The following RUFY4 variants were observed in gnomAD, a reference collection of about 807,000 sequenced individuals.
RUFY4 encodes the protein RUN and FYVE domain containing 4, also known as RUN and FYVE domain-containing protein 4.
A neutral mutation model predicts 69.0 loss-of-function variants in RUFY4; 73 were observed. That is an observed-to-expected ratio of 1.06 (90% CI 0.88 to 1.29). RUFY4 has a LOEUF of 1.29. Ranked by LOEUF, RUFY4 falls within the 50% of genes most tolerant of loss-of-function variation. The pLI is 0.00. For missense variants in RUFY4, 770 were observed against 705.6 expected (o/e 1.09, Z -1.03); for synonymous variants, 287 against 271.8 (o/e 1.06, Z -0.55).
chr2:218,075,728 G>A (rs371570571), exon 7 of RUFY4: 110 of 1,444,470 alleles, frequency 7.6e-5, no homozygotes, highest in Non-Finnish European at 9.7e-5. Flanking sequence ...TGTCCCTGCA[G>A]GACGAGATCA....
At chr2:218,080,935 C>G (rs1689747365) in intron 8 of RUFY4, among the ~76,000 whole-genome samples, 1 of 152,172 alleles carries the variant, frequency 6.6e-6, no homozygotes, top group Non-Finnish European at 1.5e-5. Context: ...AGTGTCACCC[C>G]CTCTCTGAGG....
chr2:218,036,415 A>G (rs1019888775), intron 2 of RUFY4, among the ~76,000 whole-genome samples: 2 of 151,906 alleles, frequency 1.3e-5, no homozygotes, highest in African/African-American at 4.9e-5. Flanking sequence ...CACATTATCT[A>G]GCATCCTACG....
At chr2:218,063,288 G>A (rs1257276664) in intron 3 of RUFY4, among the ~76,000 whole-genome samples, 2 of 152,146 alleles carry the variant, frequency 1.3e-5, no homozygotes, top group African/African-American at 4.8e-5. Context: ...ATGGAACCCA[G>A]TGACAGAGAA....
intron 2 of RUFY4, among the ~76,000 whole-genome samples, chr2:218,054,330 A>G (rs1689011531): frequency 6.6e-6 from 1 of 152,110 alleles, no homozygotes; most frequent in South Asian, 2.1e-4. Context: ...CGAGGCGGGA[A>G]GATCACTTGA....
intron 2 of RUFY4, among the ~76,000 whole-genome samples, chr2:218,043,109 A>T (rs920477967): frequency 6.6e-6 from 1 of 151,404 alleles, no homozygotes; most frequent in Non-Finnish European, 1.5e-5. Context: ...CTCGGAGGAG[A>T]CCTGCAGTAG....
rs3181378 is a variant in RUFY4 at position 218,062,855 on chromosome 2, A to G, written c.-1071+4174A>G. On this transcript the variant is annotated intron_variant and NMD_transcript_variant, in intron 3 of 13. Coordinates refer to the RUFY4 transcript ENST00000457754. ...ATGTGCTGCCATGCAGGATGAGCAGACACAGCCAGCCTGCACCCCAATAAG... is the reference window on the plus strand; with the variant it reads ...ATGTGCTGCCATGCAGGATGAGCAGGCACAGCCAGCCTGCACCCCAATAAG... Among the ~76,000 whole-genome samples the G allele has an allele frequency of 2.9e-3, 447 of 152,360 alleles. 7 individuals carry two copies. The South Asian group carries it at 0.045, about 15-fold the overall frequency.
intron 6 of RUFY4, among the ~76,000 whole-genome samples, chr2:218,074,891 C>T (rs1689586237): frequency 6.6e-6 from 1 of 152,114 alleles, no homozygotes; most frequent in South Asian, 2.1e-4. Context: ...ATGTCCCTCA[C>T]CAGACCAAAG....
intron 8 of RUFY4, among the ~76,000 whole-genome samples, chr2:218,078,916 G>A (rs1049872530): frequency 1.3e-5 from 2 of 152,186 alleles, no homozygotes; most frequent in African/African-American, 2.4e-5. Context: ...TGCCCAGGCT[G>A]GAGTGCAGTG....
intron 2 of RUFY4, among the ~76,000 whole-genome samples, chr2:218,057,790 G>A (rs1170607718): frequency 1.3e-5 from 2 of 152,226 alleles, no homozygotes; most frequent in African/African-American, 4.8e-5. Context: ...CATATAATAT[G>A]TGGTTCTGTT....
chr2:218,063,709 T>C (rs1213526317), intron 3 of RUFY4, among the ~76,000 whole-genome samples: 2 of 152,096 alleles, frequency 1.3e-5, no homozygotes, highest in Non-Finnish European at 2.9e-5. Flanking sequence ...GTCATGGGTG[T>C]GAGCGAGGGG....
At chr2:218,074,871 G>T (rs1033596247) in intron 6 of RUFY4, among the ~76,000 whole-genome samples, 6 of 152,160 alleles carry the variant, frequency 3.9e-5, no homozygotes, top group African/African-American at 1.4e-4. Flanking sequence ...AGGGACAGAA[G>T]GACATCAGGA....
At chr2:218,070,848 C>T (rs1689469121) in exon 2 of RUFY4, 2 of 1,535,642 alleles carry the variant, frequency 1.3e-6, no homozygotes, top group South Asian at 2.4e-5. Flanking sequence ...CTGCCTGGAG[C>T]TGCTGCTGCA....
chr2:218,067,060 G>A (rs79388667), upstream of RUFY4, among the ~76,000 whole-genome samples: 2,752 of 152,294 alleles, frequency 0.018, 83 homozygotes, highest in African/African-American at 0.063. Flanking sequence ...GTCAGTCACC[G>A]TCTCTGTGAG....
At chr2:218,084,271 C>A (rs1426720245) in intron 9 of RUFY4, among the ~76,000 whole-genome samples, 4 of 151,724 alleles carry the variant, frequency 2.6e-5, no homozygotes, top group Non-Finnish European at 5.9e-5. Flanking sequence ...TCGCTCTGTC[C>A]CCCAGGCTGG....
At chr2:218,044,721 G>A (rs1024606704) in intron 2 of RUFY4, among the ~76,000 whole-genome samples, 2 of 152,170 alleles carry the variant, frequency 1.3e-5, no homozygotes, top group Non-Finnish European at 2.9e-5. Flanking sequence ...GCATTAGTTT[G>A]CTAAGGATAA....
chr2:218,057,097 G>A, intron 2 of RUFY4, among the ~76,000 whole-genome samples: 5 of 149,270 alleles, frequency 3.3e-5, no homozygotes, highest in African/African-American at 1.0e-4. Context: ...AAAAAAAAGA[G>A]AGAGAGAAGA....
chr2:218,073,437 G>A (rs1689544966), intron 5 of RUFY4, 51 bp downstream of exon 7: 2 of 1,558,860 alleles, frequency 1.3e-6, no homozygotes. Context: ...TGGTCCCATG[G>A]CCACCAAGGG....
intron 2 of RUFY4, among the ~76,000 whole-genome samples, chr2:218,041,171 A>C (rs1688689523): frequency 6.6e-6 from 1 of 152,150 alleles, no homozygotes; most frequent in African/African-American, 2.4e-5. Context: ...TGGATAATCT[A>C]TTAATTTTTC....
chr2:218,072,356 G>C lies in RUFY4; in HGVS notation c.154-18G>C. 1.3e-6 allele frequency: 2 copies of C among 1,536,902 alleles called. No individual in the cohort carries two copies. The highest frequency in any genetic ancestry group is 1.7e-6 in the Non-Finnish European group (2 of 1,146,700). On this transcript the variant is annotated intron_variant, in intron 2 of 10. Coordinates refer to ENST00000344321, the Ensembl canonical transcript of RUFY4. Reference sequence around the variant, plus strand: ...GAGGAAGCATTTCTACACTTTCTTTGCCTCATTTTGGTTCTAGTTTGACCA... The same window carrying C: ...GAGGAAGCATTTCTACACTTTCTTTCCCTCATTTTGGTTCTAGTTTGACCA...
Sources: gnomAD v4.1 joint callset for allele counts (sites outside exome capture counted in the v4.1 genomes callset) on GRCh38, gnomAD v4.1.1 for gene constraint, MANE v1.5 for transcripts, NCBI Gene and HGNC (gene_info 2026-07-23, HGNC 2026-07-21) for gene names.